RNGTT: variants seen among roughly 807,000 people sequenced by gnomAD.
RNGTT encodes RNA guanylyltransferase and 5'-phosphatase.
RNGTT carries 33 observed loss-of-function variants against 79.3 expected under a neutral mutation model. The ratio of observed to expected loss-of-function variants is 0.42; its 90% CI spans 0.32 to 0.56. The LOEUF is 0.56. Ranked by LOEUF, RNGTT falls within the 20% of genes least tolerant of loss-of-function variation. RNGTT has a pLI of 0.17. For missense variants in RNGTT, 497 were observed against 739.1 expected, an observed-to-expected ratio of 0.67 and a Z score of 3.80; for synonymous variants, 222 against 235.9, an observed-to-expected ratio of 0.94 and a Z score of 0.54.
chr6:88,736,786 A>C (rs1777301830), intron 13 of RNGTT, among the ~76,000 whole-genome samples: 1 of 152,242 alleles, frequency 6.6e-6, no homozygotes, highest in South Asian at 2.1e-4. Context: ...TGAATGAAGG[A>C]AGGCAGACTT....
At chr6:88,761,036 CACACACACACACACACAT>C (rs1371920258) in intron 13 of RNGTT, among the ~76,000 whole-genome samples, 7 of 150,540 alleles carry the variant, frequency 4.6e-5, no homozygotes, top group African/African-American at 1.7e-4. Flanking sequence ...CACACACACA[CACACACACACACACACAT>C]ACACTCTAGT....
chr6:88,678,878 G>C (rs919935095), intron 13 of RNGTT, among the ~76,000 whole-genome samples: 5 of 152,082 alleles, frequency 3.3e-5, no homozygotes, highest in African/African-American at 9.7e-5. Context: ...AAATTACAGA[G>C]GGCCCTTGAA....
At chr6:88,671,224 G>A (rs1425560128) in intron 14 of RNGTT, among the ~76,000 whole-genome samples, 1 of 152,066 alleles carries the variant, frequency 6.6e-6, no homozygotes, top group Non-Finnish European at 1.5e-5. Context: ...TATCCAAAAA[G>A]CTCCTAGATC....
intron 11 of RNGTT, among the ~76,000 whole-genome samples, chr6:88,839,191 T>G (rs1413496388): frequency 6.6e-6 from 1 of 152,128 alleles, no homozygotes; most frequent in South Asian, 2.1e-4. Flanking sequence ...ATCTAATCTC[T>G]GTGTACCTAT....
At chr6:88,645,219 CAG>C (rs1419336529) in intron 14 of RNGTT, among the ~76,000 whole-genome samples, 1 of 152,122 alleles carries the variant, frequency 6.6e-6, no homozygotes, top group Admixed American at 6.5e-5. Context: ...AACAGACAAA[CAG>C]AGAGCCAAAT....
intron 11 of RNGTT, among the ~76,000 whole-genome samples, chr6:88,841,340 T>A (rs1781281754): frequency 6.6e-6 from 1 of 152,216 alleles, no homozygotes; most frequent in South Asian, 2.1e-4. Context: ...ATGAAAAAGA[T>A]AGCCACTCAA....
chr6:88,936,449 T>C (rs1464163827), intron 2 of RNGTT, among the ~76,000 whole-genome samples: 1 of 152,248 alleles, frequency 6.6e-6, no homozygotes, highest in Non-Finnish European at 1.5e-5. Context: ...CCTTGTCTTG[T>C]TCTAATTCTC....
chr6:88,694,695 G>A (rs1775599871), intron 13 of RNGTT, among the ~76,000 whole-genome samples: 1 of 152,092 alleles, frequency 6.6e-6, no homozygotes, highest in South Asian at 2.1e-4. Context: ...ATTTCAAACT[G>A]TATTACAAAG....
intron 14 of RNGTT, among the ~76,000 whole-genome samples, chr6:88,615,907 T>C (rs1181550769): frequency 6.6e-6 from 1 of 152,214 alleles, no homozygotes; most frequent in Non-Finnish European, 1.5e-5. Flanking sequence ...TTAACCATTT[T>C]TAAGTGTACA....
intron 14 of RNGTT, among the ~76,000 whole-genome samples, chr6:88,677,773 G>A (rs762914985): frequency 5.3e-4 from 81 of 151,972 alleles, no homozygotes; most frequent in Non-Finnish European, 6.5e-4. Flanking sequence ...CACCGTACCC[G>A]ACTTGTAAAC....
intron 8 of RNGTT, among the ~76,000 whole-genome samples, chr6:88,854,148 G>A (rs957014936): frequency 2.0e-5 from 3 of 151,662 alleles, no homozygotes; most frequent in East Asian, 3.9e-4. Context: ...TATGTTGGTC[G>A]CGAACTCCTG....
chr6:88,714,891 T>G (rs552215961), intron 13 of RNGTT, among the ~76,000 whole-genome samples: 6 of 152,242 alleles, frequency 3.9e-5, no homozygotes, highest in African/African-American at 1.4e-4. Context: ...AAGCATTCCC[T>G]TTGAAAACTG....
intron 10 of RNGTT, among the ~76,000 whole-genome samples, chr6:88,844,810 G>A (rs896510752): frequency 5.9e-5 from 9 of 152,024 alleles, no homozygotes; most frequent in East Asian, 1.9e-4. Flanking sequence ...CATCTAGGCC[G>A]GGTGTGGTGG....
chr6:88,726,389 CAAAAAAA>C (rs61210098), intron 13 of RNGTT, among the ~76,000 whole-genome samples: 2 of 99,540 alleles, frequency 2.0e-5, no homozygotes, highest in East Asian at 6.7e-4. Context: ...ATCCTAAGTC[CAAAAAAA>C]AAAAAAAAAA....
chr6:88,894,225 G>C (rs1339569160), intron 6 of RNGTT, among the ~76,000 whole-genome samples: 2 of 152,162 alleles, frequency 1.3e-5, no homozygotes, highest in South Asian at 2.1e-4. Context: ...ACCAGTGTTA[G>C]AAAATCCTGT....
chr6:88,750,016 T>C (rs773772847), intron 13 of RNGTT, among the ~76,000 whole-genome samples: 7 of 152,186 alleles, frequency 4.6e-5, no homozygotes, highest in Non-Finnish European at 7.4e-5. Flanking sequence ...ATAATCTCTC[T>C]GTGTCTTCCT....
At chr6:88,888,721 C>T (rs1217089586) in intron 8 of RNGTT, among the ~76,000 whole-genome samples, 2 of 152,050 alleles carry the variant, frequency 1.3e-5, no homozygotes, top group Non-Finnish European at 2.9e-5. Context: ...TGAATTAGTA[C>T]ACAAAGCATT....
At chr6:88,625,784 A>T (rs1243559577) in intron 14 of RNGTT, among the ~76,000 whole-genome samples, 2 of 151,074 alleles carry the variant, frequency 1.3e-5, no homozygotes, top group African/African-American at 4.9e-5. Flanking sequence ...CAGGTCAGTT[A>T]AAAAAAAAGT....
intron 8 of RNGTT, among the ~76,000 whole-genome samples, chr6:88,860,052 G>A (rs1459857254): frequency 6.6e-6 from 1 of 152,200 alleles, no homozygotes; most frequent in Non-Finnish European, 1.5e-5. Flanking sequence ...TACCCCAACA[G>A]AATAGGGGTC....
Sources: gnomAD v4.1 joint callset for allele counts (sites outside exome capture counted in the v4.1 genomes callset) on GRCh38, gnomAD v4.1.1 for gene constraint, MANE v1.5 for transcripts, NCBI Gene and HGNC (gene_info 2026-07-23, HGNC 2026-07-21) for gene names.